TYK2: variants seen among roughly 807,000 people sequenced by gnomAD.
TYK2 encodes non-receptor tyrosine-protein kinase TYK2.
TYK2 carries 65 observed loss-of-function variants against 130.9 expected under a neutral mutation model. The observed-to-expected ratio is 0.50, with a 90% CI of 0.41 to 0.61. The LOEUF is 0.61. Among genes scored for constraint, TYK2 ranks in the 20% least tolerant of loss-of-function variants. The pLI is 0.00. For synonymous variants in TYK2, 647 were observed against 658.9 expected (o/e 0.98, Z 0.28); for missense variants, 1,378 against 1,610.7 (o/e 0.86, Z 2.47).
intron 2 of TYK2, among the ~76,000 whole-genome samples, chr19:10,378,833 A>ATATCATATCT (rs1555723090): frequency 1.3e-5 from 2 of 148,802 alleles, no homozygotes; most frequent in Non-Finnish European, 3.0e-5. Flanking sequence ...GTTTTATTTT[A>ATATCATATCT]TATCTTATCT....
chr19:10,361,971 G>A lies in TYK2; in HGVS notation c.1774-16C>T, dbSNP rs777499537. On this transcript the variant is annotated splice_polypyrimidine_tract_variant and intron_variant, in intron 12 of 24. Coordinates refer to ENST00000525621, the MANE Select transcript of TYK2 (RefSeq NM_003331.5). This position sits in a 1 kb window ranked among gnomAD's most constrained non-coding sequence, Gnocchi z 4.0. ...AGTGGGACAGCTGCGGGATCATGTG[G>A]CACAGAATACCGCCATGGTGAAAGT... The A allele has an allele frequency of 3.7e-6, 6 of 1,613,934 alleles. No individual in the cohort carries two copies. The Admixed American group carries it at 6.7e-5, about 18-fold the overall frequency.
At chr19:10,378,140 A>G in intron 3 of TYK2, 74 bp downstream of exon 3, 1 of 1,499,768 alleles carries the variant, frequency 6.7e-7, no homozygotes, top group Non-Finnish European at 9.2e-7. Flanking sequence ...GTGGGTGGAT[A>G]GACGGATGGA....
chr19:10,370,346 G>A (rs1356743021), intron 3 of TYK2, among the ~76,000 whole-genome samples: 1 of 150,494 alleles, frequency 6.6e-6, no homozygotes, highest in Non-Finnish European at 1.5e-5. Context: ...GCGGCAGAGT[G>A]AGATCTGAAA....
At chr19:10,377,327 GAT>G (rs2042155712) in intron 3 of TYK2, among the ~76,000 whole-genome samples, 2 of 80,290 alleles carry the variant, frequency 2.5e-5, no homozygotes, top group African/African-American at 1.2e-4. Flanking sequence ...TGAACGGGTG[GAT>G]GGATGGATGG....
chr19:10,353,241 G>A lies in TYK2; in HGVS notation c.3028-143C>T. 1.5e-6 allele frequency: 1 copy of A among 663,664 alleles called. No individual in the cohort carries two copies. The highest frequency in any genetic ancestry group is 2.4e-6 in the Non-Finnish European group (1 of 424,182). The allele number at this position is 663,664 out of a possible 1,614,324, so 41.1% of individuals were successfully genotyped here. On this transcript the variant is annotated intron_variant, in intron 21 of 24. Transcript: ENST00000525621. This position sits in a 1 kb window ranked among gnomAD's most constrained non-coding sequence, Gnocchi z 6.9. ...GCCGCTGGAGAGGGCCGGATGGCAC[G>A]TGGCACCAAGCAAAAGGAGGCTGAG...
chr19:10,367,864 G>A lies in TYK2; in HGVS notation c.465+191C>T, dbSNP rs35221071. Among the ~76,000 whole-genome samples the A allele has an allele frequency of 0.046, 6,971 of 151,296 alleles. 227 individuals are homozygous for A. Among genetic ancestry groups the A allele is most frequent in the Non-Finnish European group, 0.067 (4,565 of 67,872 alleles). ...GAACCTGGGAGGCGGAGCTTGCAGTGAGCCGAGATCACATCACTGCACTTC... is the reference window on the plus strand; with the variant it reads ...GAACCTGGGAGGCGGAGCTTGCAGTAAGCCGAGATCACATCACTGCACTTC... On this transcript the variant is annotated intron_variant, in intron 5 of 24. Coordinates refer to ENST00000525621, the MANE Select transcript of TYK2 (RefSeq NM_003331.5).
rs1342998501 is a variant in TYK2, at chr19:10,352,978, C to T, written c.3148G>A (p.Glu1050Lys). 2 of 1,606,482 alleles carry T rather than the reference C, an allele frequency of 1.2e-6. No homozygotes were observed. Among genetic ancestry groups the T allele is most frequent in the South Asian group, 1.1e-5 (1 of 90,796 alleles). ...GDFGLAKAVPEGHEYYRVRED... is the reference protein window; with the variant it reads ...GDFGLAKAVPKGHEYYRVRED... ...CGCACGCGGTAGTACTCGTGGCCTT[C>T]GGGCACGGCCTTGGCTAGGCCAAAG... Residue 1050 changes from glutamate (E) to lysine (K), a missense_variant, in exon 22 of 25, where the codon GAA becomes AAA. By Grantham distance (56) the Glu-to-Lys change is moderately conservative. Transcript: ENST00000525621.
intron 23 of TYK2, chr19:10,351,520 T>C (rs1312292445): frequency 2.2e-5 from 7 of 324,536 alleles, no homozygotes; most frequent in Non-Finnish European, 4.2e-5. Flanking sequence ...TGCAACTTCA[T>C]GAAATCGACT....
chr19:10,378,870 ATCTTATCTTATTTTT>A (rs1274153519), intron 2 of TYK2, among the ~76,000 whole-genome samples: 5 of 141,236 alleles, frequency 3.5e-5, no homozygotes, highest in South Asian at 2.2e-4. Context: ...ATCTTATCTT[ATCTTATCTTATTTTT>A]GAGACAGAGT....
At chr19:10,377,607 G>A in intron 3 of TYK2, among the ~76,000 whole-genome samples, 1 of 121,118 alleles carries the variant, frequency 8.3e-6, no homozygotes, top group Non-Finnish European at 1.7e-5. Flanking sequence ...TGGATGGATG[G>A]GTGGATGGAT....
chr19:10,366,633 A>AGCCCAGAG, intron 5 of TYK2, 53 bp from the exon 6 acceptor site: 1 of 1,606,454 alleles, frequency 6.2e-7, no homozygotes, highest in Non-Finnish European at 8.5e-7. Flanking sequence ...GTTCCTCTCT[A>AGCCCAGAG]GCCCAGAGGT....
At chr19:10,367,452 C>T (rs547361721) in intron 5 of TYK2, among the ~76,000 whole-genome samples, 164 of 152,152 alleles carry the variant, frequency 1.1e-3, no homozygotes, top group African/African-American at 3.6e-3. Flanking sequence ...TGGTGAAACC[C>T]CGTCTTTACT....
intron 3 of TYK2, among the ~76,000 whole-genome samples, chr19:10,377,207 G>A (rs2042150541): frequency 6.6e-6 from 1 of 152,070 alleles, no homozygotes; most frequent in Non-Finnish European, 1.5e-5. Context: ...ACCTGGCCAA[G>A]TTTTCTGATT....
At chr19:10,360,422 G>A (rs1005249937) in intron 14 of TYK2, among the ~76,000 whole-genome samples, 1 of 152,148 alleles carries the variant, frequency 6.6e-6, no homozygotes, top group Non-Finnish European at 1.5e-5. Flanking sequence ...GCTTGAGCCC[G>A]GGAGGTCGAG....
chr19:10,364,946 G>T lies in TYK2; in HGVS notation c.1114C>A (p.Pro372Thr). The change falls in exon 8 of 25, where the codon CCA (proline) becomes ACA (threonine). Residue 372 changes from proline (P) to threonine (T), a missense_variant. Transcript: ENST00000525621. This position sits in a 1 kb window ranked among gnomAD's most constrained non-coding sequence, Gnocchi z 4.9. The stretch of plus-strand genomic sequence containing the variant: ...AAGTCACAGAAGTAGGCCCACAGTG[G>T]CTCCCGCGGCCTGTCTGCCGGCTGG... ...VGQPADRPRE[P>T]LWAYFCDFRD... 1 of 1,614,124 alleles carries T rather than the reference G, an allele frequency of 6.2e-7. No individual in the cohort carries two copies. The highest frequency in any genetic ancestry group is 8.5e-7 in the Non-Finnish European group (1 of 1,180,034).
intron 3 of TYK2, among the ~76,000 whole-genome samples, chr19:10,374,522 T>C (rs759852374): frequency 3.7e-4 from 47 of 128,132 alleles, no homozygotes; most frequent in Non-Finnish European, 6.5e-4. Context: ...GAGGCGGAGG[T>C]TGCAGTGAGC....
chr19:10,369,844 C>T (rs949732559), intron 3 of TYK2: 1 of 412,478 alleles, frequency 2.4e-6, no homozygotes, highest in African/African-American at 2.1e-5. Context: ...GAGATCAAGA[C>T]CATCTTGGCT....
chr19:10,359,504 G>A (rs1446619582), intron 14 of TYK2, among the ~76,000 whole-genome samples: 1 of 152,118 alleles, frequency 6.6e-6, no homozygotes, highest in Non-Finnish European at 1.5e-5. Flanking sequence ...GGTGGATGAG[G>A]GCATTGGGGT....
Position 10,357,853 on chromosome 19 carries a change from TGCTTAG to T in TYK2, c.2371_2376del (p.Leu791_Ser792del), listed in dbSNP as rs773966828. The T allele has an allele frequency of 2.6e-5, 42 of 1,613,346 alleles. No individual in the cohort carries two copies. The Admixed American group carries it at 5.5e-4, about 21-fold the overall frequency. Reference sequence around the variant, plus strand: ...CCAAACCCCCACTTGTCCATGGCGGTGCTTAGGCTGTTGGCCCCACCTGGTAGGCAT... The same window carrying T: ...CCAAACCCCCACTTGTCCATGGCGGTGCTGTTGGCCCCACCTGGTAGGCAT... On this transcript the variant is annotated inframe_deletion, in exon 17 of 25. Transcript: ENST00000525621.
Sources: allele counts gnomAD v4.1 joint callset (sites outside exome capture counted in the v4.1 genomes callset), GRCh38; gene constraint gnomAD v4.1.1; non-coding constraint Gnocchi (gnomAD v3.1); transcripts MANE v1.5; gene names NCBI Gene and HGNC (gene_info 2026-07-23, HGNC 2026-07-21).